Variants in CSMD1 observed in about 807,000 individuals in gnomAD.
CSMD1 encodes CUB and Sushi multiple domains 1.
CSMD1 carries 213 observed loss-of-function variants against 417.5 expected under a neutral mutation model. The ratio of observed to expected loss-of-function variants is 0.51; its 90% CI spans 0.46 to 0.57. The LOEUF (loss-of-function observed/expected upper bound fraction) is 0.57, where lower values mean the gene tolerates loss of function less well. Ranked by LOEUF, CSMD1 falls within the 20% of genes least tolerant of loss-of-function variation. CSMD1 has a pLI of 0.00. For synonymous variants in CSMD1, 2,862 were observed against 1,736.8 expected (o/e 1.65, Z -16.11); for missense variants, 6,923 against 4,529.7 (o/e 1.53, Z -15.17).
intron 1 of CSMD1, among the ~76,000 whole-genome samples, chr8:4,853,852 C>A (rs991436639): frequency 6.6e-6 from 1 of 152,158 alleles, no homozygotes; most frequent in Non-Finnish European, 1.5e-5. Context: ...AGTAGTGTGA[C>A]CTGGATGCAG....
At chr8:4,695,890 T>G (rs892471481) in intron 1 of CSMD1, among the ~76,000 whole-genome samples, 2 of 152,220 alleles carry the variant, frequency 1.3e-5, no homozygotes, top group Admixed American at 6.5e-5. Context: ...TGAGAAACCC[T>G]ATGTATTTGC....
At chr8:4,723,922 C>G (rs997724680) in intron 1 of CSMD1, among the ~76,000 whole-genome samples, 1 of 151,920 alleles carries the variant, frequency 6.6e-6, no homozygotes, top group Non-Finnish European at 1.5e-5. Context: ...CAGATCTCTT[C>G]AAAACATACT....
At chr8:4,171,200 C>T (rs940084505) in intron 3 of CSMD1, among the ~76,000 whole-genome samples, 1 of 151,824 alleles carries the variant, frequency 6.6e-6, no homozygotes, top group African/African-American at 2.4e-5. Context: ...CATCACAGAC[C>T]TGTGTGAAAC....
chr8:3,712,976 T>C (rs1368961286), intron 6 of CSMD1, among the ~76,000 whole-genome samples: 3 of 152,032 alleles, frequency 2.0e-5, no homozygotes, highest in Non-Finnish European at 4.4e-5. Flanking sequence ...GCTTCAAAGG[T>C]GCTGAGAGTT....
chr8:3,600,974 C>T (rs192628774), intron 8 of CSMD1, among the ~76,000 whole-genome samples: 2 of 152,162 alleles, frequency 1.3e-5, no homozygotes, highest in Admixed American at 1.3e-4. Flanking sequence ...ATGTAAAGAA[C>T]TATTCCAAGG....
At chr8:4,358,130 A>G (rs1801539181) in intron 3 of CSMD1, among the ~76,000 whole-genome samples, 1 of 152,202 alleles carries the variant, frequency 6.6e-6, no homozygotes. Context: ...TATTCTCAAA[A>G]TTTATTCTCA....
chr8:4,347,216 T>C (rs1041291011), intron 3 of CSMD1, among the ~76,000 whole-genome samples: 2 of 152,096 alleles, frequency 1.3e-5, no homozygotes, highest in East Asian at 1.9e-4. Context: ...TTAGAAATAC[T>C]TGGAAATTAC....
intron 3 of CSMD1, among the ~76,000 whole-genome samples, chr8:4,293,436 A>C (rs1797485078): frequency 6.6e-6 from 1 of 152,242 alleles, no homozygotes; most frequent in South Asian, 2.1e-4. Flanking sequence ...AGTGTTTTAA[A>C]AAAATTAATT....
chr8:3,513,756 A>G lies in CSMD1; in HGVS notation c.1345-20030T>C, dbSNP rs182423620. 7.1e-4 allele frequency among the ~76,000 whole-genome samples: 108 copies of G among 152,346 alleles called. 1 individual carries two copies. The highest frequency in any genetic ancestry group is 2.3e-3 in the African/African-American group (95 of 41,582). On this transcript the variant is annotated intron_variant, in intron 10 of 69. Coordinates refer to ENST00000635120, the MANE Select transcript of CSMD1 (RefSeq NM_033225.6). The stretch of plus-strand genomic sequence containing the variant: ...TTAGTTACCATAATAGGTCAGCTGC[A>G]GAGTGCAGCTTCACCAAACACATGA...
intron 11 of CSMD1, 119 bp downstream of exon 11, chr8:3,493,504 T>C (rs966660666): frequency 1.5e-4 from 108 of 706,816 alleles, no homozygotes; most frequent in African/African-American, 1.3e-3. Flanking sequence ...ACATTAGCCA[T>C]AGATGGCACT....
chr8:4,829,442 G>A (rs1225780621), intron 1 of CSMD1, among the ~76,000 whole-genome samples: 1 of 152,136 alleles, frequency 6.6e-6, no homozygotes, highest in Non-Finnish European at 1.5e-5. Context: ...CAACTCAGCA[G>A]TAGAAATTAA....
intron 12 of CSMD1, among the ~76,000 whole-genome samples, chr8:3,453,554 T>A (rs917454141): frequency 2.0e-5 from 3 of 152,220 alleles, no homozygotes; most frequent in African/African-American, 7.2e-5. Context: ...TATTTCTACC[T>A]TCATTTCGTT....
intron 2 of CSMD1, among the ~76,000 whole-genome samples, chr8:4,567,038 G>C (rs1427085354): frequency 3.9e-5 from 6 of 152,134 alleles, no homozygotes; most frequent in African/African-American, 1.2e-4. Context: ...GCGTCCTACG[G>C]AGAAGTATTT....
chr8:4,883,312 C>A (rs986755385), intron 1 of CSMD1, among the ~76,000 whole-genome samples: 3 of 151,894 alleles, frequency 2.0e-5, no homozygotes, highest in South Asian at 2.1e-4. Context: ...GTATATAATA[C>A]CTCTATTTGG....
At chr8:4,024,965 G>A (rs1023695771) in intron 4 of CSMD1, among the ~76,000 whole-genome samples, 7 of 152,238 alleles carry the variant, frequency 4.6e-5, no homozygotes, top group Non-Finnish European at 7.3e-5. Flanking sequence ...TCTGAAGTAC[G>A]ATTGGCCTGG....
intron 3 of CSMD1, among the ~76,000 whole-genome samples, chr8:4,169,346 G>C (rs922309991): frequency 6.6e-6 from 1 of 152,154 alleles, no homozygotes; most frequent in African/African-American, 2.4e-5. Context: ...CTTCCATCTA[G>C]ATAAATGGCG....
chr8:4,613,777 T>G (rs1801317645), intron 2 of CSMD1, among the ~76,000 whole-genome samples: 1 of 148,974 alleles, frequency 6.7e-6, no homozygotes, highest in Non-Finnish European at 1.5e-5. Flanking sequence ...ACTGCTAACA[T>G]CAAGACCACC....
chr8:4,036,377 G>A (rs146279973), intron 3 of CSMD1, among the ~76,000 whole-genome samples: 1,876 of 152,176 alleles, frequency 0.012, 36 homozygotes, highest in African/African-American at 0.042. Flanking sequence ...ACTGCGCAAT[G>A]GTATTTTCCA....
At chr8:4,068,192 G>C (rs1267688164) in intron 3 of CSMD1, among the ~76,000 whole-genome samples, 1 of 152,186 alleles carries the variant, frequency 6.6e-6, no homozygotes, top group African/African-American at 2.4e-5. Flanking sequence ...GGTGGCAGAA[G>C]GGCAGAAAAA....
Sources: gnomAD v4.1 joint callset for allele counts (sites outside exome capture counted in the v4.1 genomes callset) on GRCh38, gnomAD v4.1.1 for gene constraint, MANE v1.5 for transcripts, NCBI Gene and HGNC (gene_info 2026-07-23, HGNC 2026-07-21) for gene names.